NOTCH3: variants seen among roughly 807,000 people sequenced by gnomAD.
NOTCH3 encodes neurogenic locus notch homolog protein 3.
Under a neutral mutation model 213.3 loss-of-function variants are expected in NOTCH3, and 86 were observed. That is an observed-to-expected ratio of 0.40 (90% CI 0.34 to 0.48). The LOEUF (loss-of-function observed/expected upper bound fraction) is 0.48. NOTCH3 is among the 20% of genes least tolerant of loss of function. The pLI, the probability that NOTCH3 is intolerant of heterozygous loss-of-function variation, is 0.57. For synonymous variants in NOTCH3, 1,354 were observed against 1,355.9 expected (o/e 1.00, Z 0.03); for missense variants, 2,783 against 3,272.6 (o/e 0.85, Z 3.65).
At position 15,183,392 on chromosome 19, in the gene NOTCH3, GTT is replaced by G. The variant is rs1016492225; in HGVS notation, c.2566+901_2566+902del. Among the ~76,000 whole-genome samples the G allele has an allele frequency of 1.6e-3, 241 of 151,842 alleles. 1 individual carries two copies. The highest frequency in any genetic ancestry group is 3.4e-3 in the Middle Eastern group (1 of 294). On this transcript the variant is annotated intron_variant, in intron 16 of 32. Transcript: ENST00000263388. Reference sequence around the variant, plus strand: ...TGTTTGGCAGCACCCCTTTTTGTTTGTTTGTTTGTTTGTTTGTTCGTTTTTGA... The same window carrying G: ...TGTTTGGCAGCACCCCTTTTTGTTTGTGTTTGTTTGTTTGTTCGTTTTTGA...
chr19:15,177,035 G>GCA (rs146745194), intron 24 of NOTCH3, among the ~76,000 whole-genome samples: 12,481 of 138,724 alleles, frequency 0.09, 1,422 homozygotes, highest in African/African-American at 0.28. Flanking sequence ...TGGAGCCATT[G>GCA]CACTCCAGTC....
In NOTCH3 at chr19:15,174,115, A is replaced by C; in HGVS notation, c.4689T>G (p.Pro1563=). The C allele has an allele frequency of 6.3e-7, 1 of 1,596,864 alleles. No individual in the cohort carries two copies. The change falls in exon 25 of 33, where the codon CCT becomes CCG. Residue 1563 remains proline, a synonymous_variant. Coordinates refer to ENST00000263388, the MANE Select transcript of NOTCH3 (RefSeq NM_000435.3). ...CCCGACGGGCCCGGGGTTCGGAGCCAGGACTAGGCCGGTGGTAAGGGAAGA... is the reference window on the plus strand; with the variant it reads ...CCCGACGGGCCCGGGGTTCGGAGCCCGGACTAGGCCGGTGGTAAGGGAAGA... ...AMVFPYHRPS[P]GSEPRARREL...
intron 2 of NOTCH3, among the ~76,000 whole-genome samples, 189 bp downstream of exon 2, chr19:15,197,311 T>C (rs543496491): frequency 6.6e-6 from 1 of 152,262 alleles, no homozygotes; most frequent in Admixed American, 6.5e-5. Flanking sequence ...CTTGAACCCA[T>C]GCCAAGAAGA....
chr19:15,195,418 A>T (rs1454951226), intron 2 of NOTCH3, among the ~76,000 whole-genome samples: 1 of 152,018 alleles, frequency 6.6e-6, no homozygotes, highest in Admixed American at 6.6e-5. Context: ...TAGAGAAGCC[A>T]GAGAGTCCAA....
intron 25 of NOTCH3, among the ~76,000 whole-genome samples, chr19:15,171,972 C>T (rs2046738700): frequency 6.6e-6 from 1 of 151,708 alleles, no homozygotes; most frequent in Non-Finnish European, 1.5e-5. Flanking sequence ...TCTCAGCTCG[C>T]CACAACCTCC....
chr19:15,178,387 G>T, intron 23 of NOTCH3: 1 of 470,192 alleles, frequency 2.1e-6, no homozygotes, highest in Admixed American at 3.8e-5. Flanking sequence ...TCGGGGCAGG[G>T]GGTTGTTTCT....
intron 1 of NOTCH3, among the ~76,000 whole-genome samples, 165 bp from the exon 2 acceptor site, chr19:15,197,743 C>G (rs930709021): frequency 4.8e-4 from 41 of 85,964 alleles, no homozygotes; most frequent in African/African-American, 1.2e-3. Flanking sequence ...CGCCCCCCCC[C>G]CCCCCGCCCC....
chr19:15,189,289 C>G lies in NOTCH3; in HGVS notation c.1176G>C (p.Val392=). ...TCCCCTCACCGATAGAGCACTCGTC[C>G]ACATCCTGGTCACATGCCCCACCCG... ...GFTGGACDQD[V]DECSIGANPC... is the part of the protein sequence containing the mutation. Residue 392 remains valine, a synonymous_variant, in exon 7 of 33, where the codon GTG becomes GTC. Coordinates refer to ENST00000263388, the MANE Select transcript of NOTCH3 (RefSeq NM_000435.3). 2 of 1,614,126 alleles carry G rather than the reference C, an allele frequency of 1.2e-6. No homozygotes were observed. The highest frequency in any genetic ancestry group is 1.7e-6 in the Non-Finnish European group (2 of 1,180,040).
chr19:15,200,616 C>T (rs934126520), intron 1 of NOTCH3, among the ~76,000 whole-genome samples, 172 bp downstream of exon 1: 1 of 151,996 alleles, frequency 6.6e-6, no homozygotes, highest in Non-Finnish European at 1.5e-5. Flanking sequence ...CTGGGGTCCT[C>T]CCCATTCTGA....
intron 16 of NOTCH3, among the ~76,000 whole-genome samples, 189 bp downstream of exon 16, chr19:15,184,106 T>A (rs978254200): frequency 6.8e-6 from 1 of 146,828 alleles, no homozygotes; most frequent in African/African-American, 2.5e-5. Flanking sequence ...CCCAGCTCAT[T>A]CCCTAACTCG....
At position 15,160,962 on chromosome 19, in the gene NOTCH3, C is replaced by T. The variant is rs769365145; in HGVS notation, c.6666G>A (p.Pro2222=). The change falls in exon 33 of 33, where the codon CCG becomes CCA. Residue 2222 remains proline, a synonymous_variant. Coordinates refer to ENST00000263388, the MANE Select transcript of NOTCH3 (RefSeq NM_000435.3). ...LAVPGHGEEY[P]AAGAHSSPPK... Reference sequence around the variant, plus strand: ...GGGGGCTGCTGTGTGCCCCAGCCGCCGGGTACTCCTCGCCATGTCCTGGGA... The same window carrying T: ...GGGGGCTGCTGTGTGCCCCAGCCGCTGGGTACTCCTCGCCATGTCCTGGGA... The T allele has an allele frequency of 2.3e-5, 36 of 1,575,690 alleles. No individual in the cohort carries two copies. Among genetic ancestry groups the T allele is most frequent in the East Asian group, 1.4e-4 (6 of 43,166 alleles).
At chr19:15,182,589 G>C (rs562056513) in intron 16 of NOTCH3, among the ~76,000 whole-genome samples, 1 of 150,870 alleles carries the variant, frequency 6.6e-6, no homozygotes, top group South Asian at 2.1e-4. Flanking sequence ...TTAATATATT[G>C]GGTTAAATAG....
chr19:15,182,292 A>G (rs1027349763), intron 16 of NOTCH3, among the ~76,000 whole-genome samples: 4 of 152,136 alleles, frequency 2.6e-5, no homozygotes, highest in Admixed American at 1.3e-4. Context: ...AGATCACTTG[A>G]GCTCAGGAGT....
chr19:15,179,339 C>T, intron 21 of NOTCH3, 25 bp downstream of exon 21: 2 of 1,609,978 alleles, frequency 1.2e-6, no homozygotes, highest in East Asian at 2.2e-5. Flanking sequence ...CTCATCCTGT[C>T]CCCCCAACCC....
chr19:15,174,274 G>C lies in NOTCH3; in HGVS notation c.4530C>G (p.Arg1510=), dbSNP rs1315708834. The change falls in exon 25 of 33, where the codon CGC becomes CGG. Residue 1510 remains arginine, a synonymous_variant. Coordinates refer to ENST00000263388, the MANE Select transcript of NOTCH3 (RefSeq NM_000435.3). ...CASEVPALLA[R]GVLVLTVLLP... ...GCAGCACTGTGAGCACCAGCACGCC[G>C]CGGGCCAGCAGGGCCGGCACCTCGC... 1 of 1,567,930 alleles carries C rather than the reference G, an allele frequency of 6.4e-7. No homozygotes were observed. Among genetic ancestry groups the C allele is most frequent in the East Asian group, 2.4e-5 (1 of 42,010 alleles).
rs2046908295 is a variant in NOTCH3 at position 15,189,192 on chromosome 19, A to G, written c.1193-18T>C. 3 of 1,613,256 alleles carry G rather than the reference A, an allele frequency of 1.9e-6. No individual in the cohort carries two copies. The highest frequency in any genetic ancestry group is 2.5e-6 in the Non-Finnish European group (3 of 1,180,020). On this transcript the variant is annotated intron_variant, in intron 7 of 32. Transcript: ENST00000263388. ...GTTGGCGCCTGCCGGATGGAGTGCGATCGGTGTGGGCGTGGCTGGCCGGGA... is the reference window on the plus strand; with the variant it reads ...GTTGGCGCCTGCCGGATGGAGTGCGGTCGGTGTGGGCGTGGCTGGCCGGGA...
rs2145441993 is a variant in NOTCH3, at chr19:15,192,153, G to A, written c.486C>T (p.Cys162=). 6.2e-7 allele frequency: 1 copy of A among 1,612,846 alleles called. No individual in the cohort carries two copies. Among genetic ancestry groups the A allele is most frequent in the African/African-American group, 1.3e-5 (1 of 75,048 alleles). The change falls in exon 4 of 33, where the codon TGC becomes TGT. Residue 162 remains cysteine (C), a synonymous_variant. Coordinates refer to ENST00000263388, the MANE Select transcript of NOTCH3 (RefSeq NM_000435.3). ...GRSCRSDVDE[C]RVGEPCRHGG... The stretch of plus-strand genomic sequence containing the variant: ...CATGGCGGCAGGGCTCACCCACCCG[G>A]CACTCATCCACGTCGCTTCGGCAGC...
chr19:15,184,326 G>A lies in NOTCH3; in HGVS notation c.2535C>T (p.Ser845=). Residue 845 remains serine, a synonymous_variant, in exon 16 of 33, where the codon TCC becomes TCT. Coordinates refer to ENST00000263388, the MANE Select transcript of NOTCH3 (RefSeq NM_000435.3). The stretch of plus-strand genomic sequence containing the variant: ...CACAGTCATTGATGTCCTGATCGCA[G>A]GAAGGGCCAGTGTACCCTCCATGGC... ...CTCHGGYTGP[S]CDQDINDCDP... is the part of the protein sequence containing the mutation. 1 of 1,614,024 alleles carries A rather than the reference G, an allele frequency of 6.2e-7. No homozygotes were observed.
At position 15,189,090 on chromosome 19, in the gene NOTCH3, G is replaced by A. The variant is rs756516988; in HGVS notation, c.1277C>T (p.Pro426Leu). ...LCQCGRGYTG[P>L]RCETDVNECL... Reference sequence around the variant, plus strand: ...CTCGTTGACATCGGTCTCACAGCGAGGTCCAGTGTAGCCACGACCGCACTG... The same window carrying A: ...CTCGTTGACATCGGTCTCACAGCGAAGTCCAGTGTAGCCACGACCGCACTG... Residue 426 changes from proline (P) to leucine (L), a missense_variant, in exon 8 of 33, where the codon CCT (proline) becomes CTT (leucine). Physicochemically the swap from Pro to Leu is moderately conservative, Grantham distance 98. Coordinates refer to ENST00000263388, the MANE Select transcript of NOTCH3 (RefSeq NM_000435.3). The A allele has an allele frequency of 7.3e-5, 118 of 1,613,084 alleles. No individual in the cohort carries two copies. Among genetic ancestry groups the A allele is most frequent in the Non-Finnish European group, 9.6e-5 (113 of 1,180,038 alleles).
Sources: allele counts gnomAD v4.1 joint callset (sites outside exome capture counted in the v4.1 genomes callset), GRCh38; gene constraint gnomAD v4.1.1; transcripts MANE v1.5; gene names NCBI Gene and HGNC (gene_info 2026-07-23, HGNC 2026-07-21).